Variants in SLC39A11 observed in about 807,000 individuals in gnomAD.
SLC39A11 encodes zinc transporter ZIP11.
A neutral mutation model predicts 36.1 loss-of-function variants in SLC39A11; 33 were observed. The observed-to-expected ratio is 0.91, with a 90% CI of 0.69 to 1.22. SLC39A11 has a LOEUF of 1.22. SLC39A11 is among the 50% of genes most tolerant of loss of function. The pLI, the probability that SLC39A11 is intolerant of heterozygous loss-of-function variation, is 0.00. For missense variants in SLC39A11, 432 were observed against 430.3 expected, an observed-to-expected ratio of 1.00 and a Z score of -0.03; for synonymous variants, 166 against 170.3, an observed-to-expected ratio of 0.97 and a Z score of 0.20.
At chr17:72,835,732 C>T (rs2078507396) in intron 6 of SLC39A11, among the ~76,000 whole-genome samples, 1 of 152,168 alleles carries the variant, frequency 6.6e-6, no homozygotes, top group Admixed American at 6.5e-5. Flanking sequence ...ACGATACACT[C>T]TGAATAGCAG....
Position 72,858,401 on chromosome 17 carries a change from C to T in SLC39A11, c.431-8597G>A, listed in dbSNP as rs377166245. ...TAGTCCTATGGTATAGTTTGAAGTT[C>T]GGAAATGTGATGCCTTCAGCTTTGT... On this transcript the variant is annotated intron_variant, in intron 5 of 9. Transcript: ENST00000255559. 5.9e-5 allele frequency among the ~76,000 whole-genome samples: 9 copies of T among 152,176 alleles called. No individual in the cohort carries two copies. The East Asian group carries it at 1.3e-3, about 23-fold the overall frequency.
chr17:72,668,606 GGA>G (rs2070859462), intron 7 of SLC39A11, among the ~76,000 whole-genome samples: 2 of 152,186 alleles, frequency 1.3e-5, no homozygotes, highest in African/African-American at 4.8e-5. Flanking sequence ...TTCAAAGTGA[GGA>G]GAGAGAGCAC....
intron 7 of SLC39A11, among the ~76,000 whole-genome samples, chr17:72,713,219 C>A (rs1349607007): frequency 6.6e-6 from 1 of 152,158 alleles, no homozygotes; most frequent in Non-Finnish European, 1.5e-5. Context: ...GGGTAAGAAT[C>A]TCGGCTGAAA....
intron 1 of SLC39A11, chr17:73,092,072 C>A (rs1489744220): frequency 6.6e-6 from 1 of 152,142 alleles, no homozygotes; most frequent in Non-Finnish European, 1.5e-5. Context: ...TGGAAAAGTT[C>A]TCTAATGCCT....
intron 4 of SLC39A11, among the ~76,000 whole-genome samples, chr17:72,962,956 C>T (rs990385430): frequency 6.6e-6 from 1 of 152,102 alleles, no homozygotes; most frequent in African/African-American, 2.4e-5. Context: ...AGACTTCTCT[C>T]TCACTTCAAG....
intron 1 of SLC39A11, chr17:73,089,833 G>A (rs1412176254): frequency 6.6e-6 from 1 of 152,172 alleles, no homozygotes; most frequent in Non-Finnish European, 1.5e-5. Flanking sequence ...GAAAGGAAGG[G>A]AAGTACCACT....
At position 73,059,573 on chromosome 17, in the gene SLC39A11, T is replaced by G. The variant is rs371531767; in HGVS notation, c.147+25235A>C. 5.3e-5 allele frequency among the ~76,000 whole-genome samples: 8 copies of G among 151,580 alleles called. No homozygotes were observed. In the South Asian group the frequency reaches 1.7e-3, roughly 32 times the overall value. ...AGGAGGCTGAGACAGGAGAATCACT[T>G]GAACCTGGGAAGCTGAGGTTACAGT... On this transcript the variant is annotated intron_variant, in intron 3 of 9. Transcript: ENST00000255559.
chr17:72,733,975 C>A (rs2074328505), intron 7 of SLC39A11, among the ~76,000 whole-genome samples: 1 of 152,140 alleles, frequency 6.6e-6, no homozygotes, highest in Non-Finnish European at 1.5e-5. Flanking sequence ...TGTCAACAGG[C>A]ACAACACTGG....
rs1406168947 is a variant in SLC39A11 at position 72,650,920 on chromosome 17, T to C, written c.672-1652A>G. Among the ~76,000 whole-genome samples, 31 of 152,178 alleles carry C rather than the reference T, an allele frequency of 2.0e-4. 2 individuals are homozygous for C. The highest frequency in any genetic ancestry group is 2.9e-5 in the Non-Finnish European group (2 of 68,034). The stretch of plus-strand genomic sequence containing the variant: ...TCCGGCTGAGGCCCAAGTTCCAGCC[T>C]CTAACAAAGAACACCAAGGCGAATC... On this transcript the variant is annotated intron_variant, in intron 7 of 9. Transcript: ENST00000255559.
At chr17:73,068,247 T>C in intron 3 of SLC39A11, 2 of 784,596 alleles carry the variant, frequency 2.5e-6, no homozygotes, top group South Asian at 3.5e-5. Context: ...CCAGTAGCAC[T>C]TGAGGGAGGA....
chr17:72,772,384 T>C (rs1276826886), intron 6 of SLC39A11, among the ~76,000 whole-genome samples: 1 of 152,190 alleles, frequency 6.6e-6, no homozygotes, highest in African/African-American at 2.4e-5. Context: ...CGATGTTTTA[T>C]ATGCATAACT....
rs80238240 is a variant in SLC39A11, at chr17:72,947,320, A to G, written c.430+432T>C. ...CAGAGCAAGACTCCATCTCGGGGGG[A>G]AAAAAAAAATCCACAGCAGTCTCCC... On this transcript the variant is annotated intron_variant, in intron 5 of 9. Transcript: ENST00000255559. 1.2e-3 allele frequency among the ~76,000 whole-genome samples: 61 copies of G among 52,802 alleles called. No homozygotes were observed. The East Asian group carries it at 0.012, about 11-fold the overall frequency. The allele number at this position is 52,802 out of a possible 152,430, so 34.6% of individuals were successfully genotyped here. A position where few individuals can be genotyped will look rare whatever the true frequency, so the allele number is the denominator to read the frequency against.
At chr17:73,050,472 T>A (rs2059458579) in intron 3 of SLC39A11, among the ~76,000 whole-genome samples, 1 of 149,088 alleles carries the variant, frequency 6.7e-6, no homozygotes, top group African/African-American at 2.5e-5. Context: ...CTTTTTTTTT[T>A]TTTTTTTTTG....
chr17:73,014,051 T>C (rs1173659934), intron 4 of SLC39A11, among the ~76,000 whole-genome samples: 1 of 152,138 alleles, frequency 6.6e-6, no homozygotes, highest in East Asian at 1.9e-4. Context: ...ATATCTGAGT[T>C]GCTTACTTTG....
intron 5 of SLC39A11, among the ~76,000 whole-genome samples, chr17:72,852,385 A>AG (rs1350437728): frequency 6.6e-6 from 1 of 151,986 alleles, no homozygotes; most frequent in African/African-American, 2.4e-5. Flanking sequence ...CATTAGGAAA[A>AG]GGGGGGTCTT....
At chr17:72,901,777 C>G (rs1012807390) in intron 5 of SLC39A11, among the ~76,000 whole-genome samples, 1 of 152,204 alleles carries the variant, frequency 6.6e-6, no homozygotes, top group Non-Finnish European at 1.5e-5. Context: ...ACTGCTAAGA[C>G]TCTTAACAGG....
intron 7 of SLC39A11, among the ~76,000 whole-genome samples, chr17:72,699,413 G>C (rs1030318285): frequency 2.0e-5 from 3 of 152,318 alleles, no homozygotes; most frequent in African/African-American, 7.2e-5. Context: ...ACTTTGCTGG[G>C]AGGTAGGGGC....
intron 4 of SLC39A11, among the ~76,000 whole-genome samples, chr17:73,009,770 G>A (rs2090407409): frequency 6.6e-6 from 1 of 151,850 alleles, no homozygotes; most frequent in African/African-American, 2.4e-5. Context: ...TAAGTTCTAG[G>A]GTACATGTGC....
At chr17:72,699,134 T>C (rs1415398538) in intron 7 of SLC39A11, among the ~76,000 whole-genome samples, 3 of 151,940 alleles carry the variant, frequency 2.0e-5, no homozygotes, top group East Asian at 1.9e-4. Flanking sequence ...TGGCCGGAGG[T>C]TGGTTCTTTG....
Sources: allele counts gnomAD v4.1 joint callset (sites outside exome capture counted in the v4.1 genomes callset), GRCh38; gene constraint gnomAD v4.1.1; transcripts MANE v1.5; gene names NCBI Gene and HGNC (gene_info 2026-07-23, HGNC 2026-07-21).